The following SAMD5 variants were observed in gnomAD, a reference collection of about 807,000 sequenced individuals.
SAMD5 encodes sterile alpha motif domain containing 5.
A neutral mutation model predicts 11.3 loss-of-function variants in SAMD5; 13 were observed. The observed-to-expected ratio is 1.15, with a 90% CI of 0.75 to 1.83. SAMD5 has a LOEUF of 1.83. Ranked by LOEUF, SAMD5 falls within the 40% of genes most tolerant of loss-of-function variation. SAMD5 has a pLI of 0.00. For synonymous variants in SAMD5, 129 were observed against 111.3 expected (o/e 1.16, Z -1.00); for missense variants, 255 against 239.1 (o/e 1.07, Z -0.44).
intron 1 of SAMD5, among the ~76,000 whole-genome samples, chr6:147,613,983 A>T (rs530531263): frequency 6.6e-6 from 1 of 152,098 alleles, no homozygotes; most frequent in East Asian, 1.9e-4. Context: ...GGGAGTACCA[A>T]CACACCACAG....
At chr6:147,889,291 C>G in the SAMD5 span, among the ~76,000 whole-genome samples, 1 of 152,274 alleles carries the variant, frequency 6.6e-6, no homozygotes, top group South Asian at 2.1e-4. Context: ...TTTTTAAACT[C>G]ACATATTTAT....
the SAMD5 span, among the ~76,000 whole-genome samples, chr6:147,837,324 C>T: frequency 6.6e-6 from 1 of 152,252 alleles, no homozygotes; most frequent in Middle Eastern, 3.4e-3. Flanking sequence ...AAACCAATCA[C>T]GAAAGTCCCA....
At chr6:147,913,857 A>G in the SAMD5 span, among the ~76,000 whole-genome samples, 1 of 152,362 alleles carries the variant, frequency 6.6e-6, no homozygotes, top group African/African-American at 2.4e-5. Flanking sequence ...GCATGTATGT[A>G]TGTGTAAGCA....
intron 1 of SAMD5, among the ~76,000 whole-genome samples, chr6:147,659,213 T>C (rs1396716985): frequency 6.6e-6 from 1 of 152,158 alleles, no homozygotes; most frequent in Non-Finnish European, 1.5e-5. Context: ...GGAAATGAGT[T>C]TCCTAATCAA....
At chr6:147,794,464 A>G in the SAMD5 span, among the ~76,000 whole-genome samples, 1,878 of 152,276 alleles carry the variant, frequency 0.012, 49 homozygotes, top group African/African-American at 0.042. Context: ...TGCATCATAT[A>G]AAAAGACTTC....
At chr6:147,877,940 T>C in the SAMD5 span, among the ~76,000 whole-genome samples, 35,499 of 98,402 alleles carry the variant, frequency 0.36, 7,951 homozygotes, top group African/African-American at 0.58. Flanking sequence ...GATAGATAGA[T>C]AGATAGACTC....
At chr6:147,882,554 C>T in the SAMD5 span, among the ~76,000 whole-genome samples, 1 of 152,290 alleles carries the variant, frequency 6.6e-6, no homozygotes, top group African/African-American at 2.4e-5. Context: ...AATAGCCAAG[C>T]ACTCTAACCT....
chr6:147,843,564 G>A, the SAMD5 span, among the ~76,000 whole-genome samples: 6 of 152,080 alleles, frequency 3.9e-5, no homozygotes, highest in Non-Finnish European at 7.4e-5. Flanking sequence ...GGACAAAGCT[G>A]GGGTCATCAC....
At chr6:147,607,408 A>G (rs844602) in intron 1 of SAMD5, among the ~76,000 whole-genome samples, 13,585 of 152,208 alleles carry the variant, frequency 0.089, 987 homozygotes, top group African/African-American at 0.2. Context: ...TGGAGGAATC[A>G]CAACACCTGA....
the SAMD5 span, among the ~76,000 whole-genome samples, chr6:147,909,638 C>CTTTCTTTCTTTCTTTCTTTCTTTCT: frequency 1.4e-4 from 12 of 83,542 alleles, no homozygotes; most frequent in South Asian, 4.2e-4. Context: ...CTTTCTCTTT[C>CTTTCTTTCTTTCTTTCTTTCTTTCT]TTGTCTTTTG....
the SAMD5 span, among the ~76,000 whole-genome samples, chr6:147,918,476 G>A: frequency 2.0e-5 from 3 of 152,080 alleles, no homozygotes; most frequent in Non-Finnish European, 4.4e-5. Flanking sequence ...ATTCAACATA[G>A]TGTTGGAAGT....
At chr6:147,949,405 C>G in the SAMD5 span, among the ~76,000 whole-genome samples, 3 of 152,302 alleles carry the variant, frequency 2.0e-5, no homozygotes, top group South Asian at 6.2e-4. Flanking sequence ...AAATTCATTT[C>G]ACTATATTCA....
chr6:147,700,671 C>G (rs1482228221), intron 1 of SAMD5, among the ~76,000 whole-genome samples: 1 of 152,220 alleles, frequency 6.6e-6, no homozygotes, highest in African/African-American at 2.4e-5. Context: ...GAAGTAACAG[C>G]AAGTCTACAT....
the SAMD5 span, among the ~76,000 whole-genome samples, chr6:147,876,594 C>T: frequency 6.6e-6 from 1 of 152,066 alleles, no homozygotes; most frequent in Non-Finnish European, 1.5e-5. Flanking sequence ...GGAGAGGAAA[C>T]AAAAGAAAAT....
intron 1 of SAMD5, among the ~76,000 whole-genome samples, chr6:147,531,754 GTTTA>G (rs1034087131): frequency 2.0e-5 from 3 of 151,928 alleles, no homozygotes; most frequent in African/African-American, 7.3e-5. Flanking sequence ...ATATTATAGA[GTTTA>G]TTTATTTTGT....
chr6:147,771,261 G>A, the SAMD5 span, among the ~76,000 whole-genome samples: 1 of 152,114 alleles, frequency 6.6e-6, no homozygotes, highest in African/African-American at 2.4e-5. Context: ...TTACCTAATT[G>A]CTCTTGTACC....
the SAMD5 span, among the ~76,000 whole-genome samples, chr6:147,768,957 C>A: frequency 1.2e-4 from 18 of 152,152 alleles, no homozygotes; most frequent in Admixed American, 1.3e-4. Flanking sequence ...CCATGCCCAG[C>A]TAATTTTTAT....
chr6:147,940,778 A>G, the SAMD5 span, among the ~76,000 whole-genome samples: 3 of 152,130 alleles, frequency 2.0e-5, no homozygotes, highest in African/African-American at 7.2e-5. Context: ...CCTGGCCAAT[A>G]TGGTGAAACC....
At chr6:147,799,821 A>G in the SAMD5 span, among the ~76,000 whole-genome samples, 1 of 151,930 alleles carries the variant, frequency 6.6e-6, no homozygotes, top group South Asian at 2.1e-4. Flanking sequence ...CATTCATTTC[A>G]TCTTCCACTG....
Sources: gnomAD v4.1 joint callset for allele counts (sites outside exome capture counted in the v4.1 genomes callset) on GRCh38, gnomAD v4.1.1 for gene constraint, MANE v1.5 for transcripts, NCBI Gene and HGNC (gene_info 2026-07-23, HGNC 2026-07-21) for gene names.